Variants in BMPR1B observed in about 807,000 individuals in gnomAD.
BMPR1B encodes the protein bone morphogenetic protein receptor type 1B.
In BMPR1B, 12 loss-of-function variants were observed where a neutral mutation model predicts 59.1. That is an observed-to-expected ratio of 0.20 (90% CI 0.13 to 0.33). The LOEUF (loss-of-function observed/expected upper bound fraction) is 0.33, where lower values mean the gene tolerates loss of function less well. BMPR1B is among the 10% of genes least tolerant of loss of function. BMPR1B has a pLI of 1.00. For synonymous variants in BMPR1B, 237 were observed against 207.3 expected (o/e 1.14, Z -1.23); for missense variants, 550 against 610.9 (o/e 0.90, Z 1.05).
Position 94,841,988 on chromosome 4 carries a change from G to A in BMPR1B, c.-182-33843G>A, listed in dbSNP as rs1001924402. Among the ~76,000 whole-genome samples, 3 of 152,128 alleles carry A rather than the reference G, an allele frequency of 2.0e-5. No individual in the cohort carries two copies. In the East Asian group the frequency reaches 5.8e-4, roughly 29 times the overall value. ...ATAATAATAACATGGATCCCCAGTGGAAACCAGGGCTGGTTAGGAAGTGAG... is the reference window on the plus strand; with the variant it reads ...ATAATAATAACATGGATCCCCAGTGAAAACCAGGGCTGGTTAGGAAGTGAG... On this transcript the variant is annotated intron_variant, in intron 1 of 12. Coordinates refer to ENST00000515059, the MANE Select transcript of BMPR1B (RefSeq NM_001203.3).
chr4:94,794,078 C>A (rs1351763300), intron 1 of BMPR1B, among the ~76,000 whole-genome samples: 1 of 150,778 alleles, frequency 6.6e-6, no homozygotes, highest in Non-Finnish European at 1.5e-5. Context: ...GTGTTTTAGA[C>A]ATGAAGTCCT....
intron 1 of BMPR1B, among the ~76,000 whole-genome samples, chr4:94,874,015 A>G (rs1726614376): frequency 1.3e-5 from 2 of 152,142 alleles, no homozygotes; most frequent in Admixed American, 1.3e-4. Context: ...AAGTTGAATC[A>G]TACAGTGTTT....
chr4:94,915,151 G>C (rs1193862010), intron 2 of BMPR1B, among the ~76,000 whole-genome samples: 1 of 152,038 alleles, frequency 6.6e-6, no homozygotes, highest in Non-Finnish European at 1.5e-5. Flanking sequence ...TGACATTAAA[G>C]GTATTATCAC....
At chr4:95,145,294 C>T (rs903187933) in intron 10 of BMPR1B, among the ~76,000 whole-genome samples, 9 of 152,064 alleles carry the variant, frequency 5.9e-5, no homozygotes, top group South Asian at 2.1e-4. Flanking sequence ...AGGATTATTG[C>T]GTGGGGTTGG....
chr4:94,772,647 TAGAA>T lies in BMPR1B; in HGVS notation c.-183+14582_-183+14585del, dbSNP rs545650272. On this transcript the variant is annotated intron_variant, in intron 1 of 12. Coordinates refer to ENST00000515059, the MANE Select transcript of BMPR1B (RefSeq NM_001203.3). ...AAGATATAGTATAATTTGTAACAAA[TAGAA>T]AGCTTCCTTAGTGACTCCTTAGATT... Among the ~76,000 whole-genome samples the T allele has an allele frequency of 2.5e-4, 38 of 152,278 alleles. 1 individual carries two copies. In the South Asian group the frequency reaches 7.9e-3, roughly 32 times the overall value.
intron 1 of BMPR1B, among the ~76,000 whole-genome samples, chr4:94,821,768 A>C (rs1485190329): frequency 6.6e-6 from 1 of 152,212 alleles, no homozygotes; most frequent in Admixed American, 6.5e-5. Flanking sequence ...TTTCTTGTTG[A>C]AGTCTGGATG....
chr4:94,847,542 T>TC (rs1725383802), intron 1 of BMPR1B, among the ~76,000 whole-genome samples: 1 of 152,148 alleles, frequency 6.6e-6, no homozygotes, highest in Admixed American at 6.5e-5. Flanking sequence ...ACCAGAGGTG[T>TC]CCATTACCAG....
intron 6 of BMPR1B, among the ~76,000 whole-genome samples, chr4:95,120,610 T>TTCCTTCC (rs1732408864): frequency 3.3e-5 from 4 of 122,672 alleles, no homozygotes; most frequent in East Asian, 4.7e-4. Flanking sequence ...ATAGCCTGCC[T>TTCCTTCC]TTCCTTCCTT....
intron 10 of BMPR1B, among the ~76,000 whole-genome samples, chr4:95,132,119 C>T (rs1388033909): frequency 6.6e-6 from 1 of 152,126 alleles, no homozygotes; most frequent in African/African-American, 2.4e-5. Flanking sequence ...ATTTTGCTTA[C>T]TCTTACTTTA....
At chr4:95,081,695 CT>C (rs1385280892) in intron 3 of BMPR1B, among the ~76,000 whole-genome samples, 3 of 152,092 alleles carry the variant, frequency 2.0e-5, no homozygotes, top group Non-Finnish European at 4.4e-5. Flanking sequence ...TATATTGTAA[CT>C]TTTAAGAAAC....
At chr4:95,090,418 A>G (rs1399248826) in intron 3 of BMPR1B, among the ~76,000 whole-genome samples, 1 of 151,682 alleles carries the variant, frequency 6.6e-6, no homozygotes, top group Non-Finnish European at 1.5e-5. Context: ...TGTTTTTTGG[A>G]TAAGATTTCA....
At chr4:94,789,129 T>C (rs1386608165) in intron 1 of BMPR1B, among the ~76,000 whole-genome samples, 2 of 152,170 alleles carry the variant, frequency 1.3e-5, no homozygotes, top group Non-Finnish European at 2.9e-5. Context: ...GGTTAACACA[T>C]GCATATTAAA....
At position 95,158,289 on chromosome 4, in the gene BMPR1B, T is replaced by TTG. The variant is rs1371006883; in HGVS notation, c.*3618_*3619dup. 1 of 152,200 alleles carries TTG rather than the reference T, an allele frequency of 6.6e-6. No individual in the cohort carries two copies. Among genetic ancestry groups the TTG allele is most frequent in the Admixed American group, 6.5e-5 (1 of 15,286 alleles). The allele number at this position is 152,200 out of a possible 1,614,324, so 9.4% of individuals were successfully genotyped here. A position where few individuals can be genotyped will look rare whatever the true frequency, so the allele number is the denominator to read the frequency against. On this transcript the variant is annotated 3_prime_UTR_variant, in exon 13 of 13. Coordinates refer to ENST00000515059, the MANE Select transcript of BMPR1B (RefSeq NM_001203.3). ...TTGTCTGTTTCACAAGAAGACTCAT[T>TTG]TGTTCTTTTGGGGGAACCAGTGCCT...
rs1468067202 is a variant in BMPR1B at position 95,129,982 on chromosome 4, A to G, written c.706A>G (p.Thr236Ala). 3 of 1,613,904 alleles carry G rather than the reference A, an allele frequency of 1.9e-6. No homozygotes were observed. In the African/African-American group the frequency reaches 4.0e-5, roughly 22 times the overall value. Residue 236 changes from threonine (T) to alanine (A), a missense_variant, in exon 9 of 13, where the codon ACA becomes GCA. Thr to Ala is a moderately conservative substitution (Grantham distance 58). This residue lies in a region of BMPR1B where 318 missense variants were observed against 284.6 expected (regional missense o/e 1.12). Coordinates refer to ENST00000515059, the MANE Select transcript of BMPR1B (RefSeq NM_001203.3). ...EKVAVKVFFTTEEASWFRETE... is the reference protein window; with the variant it reads ...EKVAVKVFFTAEEASWFRETE... ...GGTAGCTGTGAAAGTGTTCTTCACC[A>G]CAGAGGAAGCCAGCTGGTTCAGAGA...
At chr4:95,039,751 T>G (rs1476234441) in intron 3 of BMPR1B, among the ~76,000 whole-genome samples, 1 of 152,118 alleles carries the variant, frequency 6.6e-6, no homozygotes, top group Non-Finnish European at 1.5e-5. Context: ...CTTAAAACAT[T>G]ATGAGATTTT....
chr4:95,022,713 C>T (rs1241827825), intron 3 of BMPR1B, among the ~76,000 whole-genome samples: 2 of 151,712 alleles, frequency 1.3e-5, no homozygotes, highest in Non-Finnish European at 2.9e-5. Flanking sequence ...GGCATCAATG[C>T]GATTTCTGAA....
At chr4:94,835,077 T>G (rs1578697235) in intron 1 of BMPR1B, among the ~76,000 whole-genome samples, 1 of 152,072 alleles carries the variant, frequency 6.6e-6, no homozygotes. Flanking sequence ...TTTTAGTGGT[T>G]ATAGGAGTTA....
rs1400336854 is a variant in BMPR1B at position 94,896,395 on chromosome 4, TA to T, written c.-113+20497del. ...CATTTGAGAGATGACTTTATGTGATTAATGTTTTAATACCCTGAGTTTGCTG... is the reference window on the plus strand; with the variant it reads ...CATTTGAGAGATGACTTTATGTGATTATGTTTTAATACCCTGAGTTTGCTG... On this transcript the variant is annotated intron_variant, in intron 2 of 12. Transcript: ENST00000515059. Among the ~76,000 whole-genome samples, 16 of 152,132 alleles carry T rather than the reference TA, an allele frequency of 1.1e-4. No homozygotes were observed. The East Asian group carries it at 3.1e-3, about 30-fold the overall frequency.
chr4:94,908,093 A>AAAAAAAAAAAAAAAAAAAAAAGAAAAAG (rs1553917473), intron 2 of BMPR1B, among the ~76,000 whole-genome samples: 1 of 118,710 alleles, frequency 8.4e-6, no homozygotes, highest in Non-Finnish European at 1.6e-5. Context: ...AAAAAAAAGA[A>AAAAAAAAAAAAAAAAAAAAAAGAAAAAG]AAAACAAAAA....
Sources: gnomAD v4.1 joint callset for allele counts (sites outside exome capture counted in the v4.1 genomes callset) on GRCh38, gnomAD v4.1.1 for gene constraint, gnomAD v4.1.1 regional missense constraint, MANE v1.5 for transcripts, NCBI Gene and HGNC (gene_info 2026-07-23, HGNC 2026-07-21) for gene names.